PPFIA2: variants seen among roughly 807,000 people sequenced by gnomAD.
PPFIA2 encodes liprin-alpha-2.
A neutral mutation model predicts 175.5 loss-of-function variants in PPFIA2; 46 were observed. That is an observed-to-expected ratio of 0.26 (90% confidence interval 0.21 to 0.34). The LOEUF (loss-of-function observed/expected upper bound fraction) is 0.34, where lower values mean the gene tolerates loss of function less well. Ranked by LOEUF, PPFIA2 falls within the 10% of genes least tolerant of loss-of-function variation. PPFIA2 has a pLI of 1.00. For missense variants in PPFIA2, 1,179 were observed against 1,506.1 expected (o/e 0.78, Z 3.60); for synonymous variants, 568 against 511.4 (o/e 1.11, Z -1.49).
chr12:81,286,633 G>A (rs1196937826), intron 24 of PPFIA2, among the ~76,000 whole-genome samples: 2 of 151,898 alleles, frequency 1.3e-5, no homozygotes, highest in Non-Finnish European at 2.9e-5. Flanking sequence ...CGAAGAAATT[G>A]TTTCATGACT....
chr12:81,319,047 T>G (rs2053086364), intron 22 of PPFIA2, among the ~76,000 whole-genome samples: 1 of 151,694 alleles, frequency 6.6e-6, no homozygotes, highest in African/African-American at 2.4e-5. Flanking sequence ...TATGTAACTA[T>G]CTTGATTTTA....
chr12:81,595,379 C>G (rs977843624), intron 4 of PPFIA2, among the ~76,000 whole-genome samples: 1 of 150,440 alleles, frequency 6.6e-6, no homozygotes, highest in African/African-American at 2.4e-5. Context: ...CCTCTAGTAG[C>G]TCTTAATTTT....
chr12:81,675,229 TATAG>T (rs754346152), intron 4 of PPFIA2, among the ~76,000 whole-genome samples: 66 of 148,490 alleles, frequency 4.4e-4, no homozygotes, highest in African/African-American at 1.4e-3. Flanking sequence ...CACATATATA[TATAG>T]AGAGAGAGAG....
intron 22 of PPFIA2, among the ~76,000 whole-genome samples, chr12:81,314,998 T>A (rs914000275): frequency 3.3e-5 from 5 of 151,798 alleles, no homozygotes; most frequent in African/African-American, 1.2e-4. Context: ...AGGGATGATC[T>A]GAGTAAAAGA....
intron 13 of PPFIA2, 115 bp downstream of exon 13, chr12:81,368,610 A>G: frequency 1.8e-6 from 2 of 1,105,700 alleles, no homozygotes; most frequent in South Asian, 4.0e-5. Context: ...TATACCAGGC[A>G]TTTTTAAAAA....
intron 3 of PPFIA2, among the ~76,000 whole-genome samples, chr12:81,680,696 T>A (rs1373179980): frequency 6.6e-6 from 1 of 151,916 alleles, no homozygotes; most frequent in Non-Finnish European, 1.5e-5. Flanking sequence ...CTACACCAGG[T>A]CCATCTTCAG....
chr12:81,586,019 C>T (rs1282562188), intron 4 of PPFIA2, among the ~76,000 whole-genome samples: 3 of 151,880 alleles, frequency 2.0e-5, no homozygotes, highest in Non-Finnish European at 4.4e-5. Flanking sequence ...TTTTCAGTTG[C>T]ATTGTAATCT....
intron 28 of PPFIA2, among the ~76,000 whole-genome samples, chr12:81,269,246 T>G (rs2038356245): frequency 6.6e-6 from 1 of 151,938 alleles, no homozygotes; most frequent in Admixed American, 6.6e-5. Context: ...AAGAAAGAAT[T>G]TTAAGAAACT....
intron 3 of PPFIA2, among the ~76,000 whole-genome samples, chr12:81,688,879 A>T (rs2074847276): frequency 2.0e-5 from 3 of 149,986 alleles, no homozygotes; most frequent in Admixed American, 1.3e-4. Context: ...ATATTTATTT[A>T]ACCGTATCTC....
chr12:81,309,931 G>C (rs1315981202), intron 22 of PPFIA2, among the ~76,000 whole-genome samples: 1 of 152,030 alleles, frequency 6.6e-6, no homozygotes, highest in Non-Finnish European at 1.5e-5. Context: ...TTGAAAATGA[G>C]AGGGGCTTAT....
At chr12:81,437,646 C>T (rs2049325711) in intron 7 of PPFIA2, among the ~76,000 whole-genome samples, 1 of 152,174 alleles carries the variant, frequency 6.6e-6, no homozygotes, top group African/African-American at 2.4e-5. Flanking sequence ...ATAATAGTAG[C>T]CACCAAACTT....
At chr12:81,689,102 G>A (rs1010356649) in intron 3 of PPFIA2, among the ~76,000 whole-genome samples, 2 of 140,180 alleles carry the variant, frequency 1.4e-5, no homozygotes, top group Non-Finnish European at 3.0e-5. Context: ...TAGAGCTAGG[G>A]GGAGAGATGA....
At chr12:81,482,750 A>G (rs1052219357) in intron 4 of PPFIA2, among the ~76,000 whole-genome samples, 2 of 152,116 alleles carry the variant, frequency 1.3e-5, no homozygotes, top group African/African-American at 4.8e-5. Context: ...AGTGGGGGAT[A>G]GGGGAGGGAT....
At chr12:81,452,990 T>C (rs1039468038) in intron 5 of PPFIA2, among the ~76,000 whole-genome samples, 62 of 146,454 alleles carry the variant, frequency 4.2e-4, no homozygotes, top group African/African-American at 1.6e-3. Flanking sequence ...CGTTTTTCTT[T>C]TTTTTTAATT....
At chr12:81,498,399 T>G (rs928851323) in intron 4 of PPFIA2, among the ~76,000 whole-genome samples, 1 of 152,126 alleles carries the variant, frequency 6.6e-6, no homozygotes, top group Non-Finnish European at 1.5e-5. Context: ...AATTTCTCAG[T>G]CTTTCCTTGT....
intron 4 of PPFIA2, among the ~76,000 whole-genome samples, chr12:81,518,691 AT>A (rs1006556042): frequency 2.0e-5 from 3 of 152,066 alleles, no homozygotes; most frequent in Admixed American, 1.3e-4. Context: ...CTGCCTTATC[AT>A]TTTTTATAAT....
chr12:81,312,426 A>T (rs1304062997), intron 22 of PPFIA2: 1 of 453,458 alleles, frequency 2.2e-6, no homozygotes, highest in East Asian at 3.2e-5. Context: ...AGCCACTCTG[A>T]AACATGCATG....
chr12:81,268,034 G>A lies in PPFIA2; in HGVS notation c.3364C>T (p.Leu1122Phe). 6.3e-7 allele frequency: 1 copy of A among 1,595,384 alleles called. No homozygotes were observed. The highest frequency in any genetic ancestry group is 8.5e-7 in the Non-Finnish European group (1 of 1,170,148). ...RVIRWIQAIG[L>F]REYANNILES... ...AGTATATTATTTGCATATTCTCGAAGTCCAATTGCTTGTATCCAGCGAATA... is the reference window on the plus strand; with the variant it reads ...AGTATATTATTTGCATATTCTCGAAATCCAATTGCTTGTATCCAGCGAATA... The change falls in exon 29 of 33, where the codon CTT (leucine) becomes TTT (phenylalanine). Residue 1122 changes from leucine (L) to phenylalanine (F), a missense_variant. Leu to Phe is a conservative substitution (Grantham distance 22). Transcript: ENST00000549396.
intron 7 of PPFIA2, among the ~76,000 whole-genome samples, chr12:81,410,040 G>A (rs1415732704): frequency 6.6e-6 from 1 of 151,978 alleles, no homozygotes; most frequent in African/African-American, 2.4e-5. Context: ...AAGGCCTCAA[G>A]GGTACTAGCT....
Sources: allele counts gnomAD v4.1 joint callset (sites outside exome capture counted in the v4.1 genomes callset), GRCh38; gene constraint gnomAD v4.1.1; transcripts MANE v1.5; gene names NCBI Gene and HGNC (gene_info 2026-07-23, HGNC 2026-07-21).